The following GTF3C4 variants were observed in gnomAD, a reference collection of about 807,000 sequenced individuals.
The protein encoded by GTF3C4 is general transcription factor 3C polypeptide 4.
A neutral mutation model predicts 67.5 loss-of-function variants in GTF3C4; 28 were observed. The ratio of observed to expected loss-of-function variants is 0.41; its 90% CI spans 0.31 to 0.57. The LOEUF (loss-of-function observed/expected upper bound fraction) is 0.57, where lower values mean the gene tolerates loss of function less well. Ranked by LOEUF, GTF3C4 falls within the 20% of genes least tolerant of loss-of-function variation. The pLI, the probability that GTF3C4 is intolerant of heterozygous loss-of-function variation, is 0.21. For synonymous variants in GTF3C4, 409 were observed against 393.0 expected, an observed-to-expected ratio of 1.04 and a Z score of -0.48; for missense variants, 831 against 1,033.2, an observed-to-expected ratio of 0.80 and a Z score of 2.68.
intron 4 of GTF3C4, among the ~76,000 whole-genome samples, chr9:132,688,256 G>A (rs1836060483): frequency 6.6e-6 from 1 of 152,186 alleles, no homozygotes; most frequent in African/African-American, 2.4e-5. Flanking sequence ...GGATTATTTT[G>A]AAACACATTT....
At position 132,670,514 on chromosome 9, in the gene GTF3C4, C is replaced by A. The variant is rs1363383342; in HGVS notation, c.-85C>A. 1.8e-6 allele frequency: 2 copies of A among 1,137,196 alleles called. No individual in the cohort carries two copies. Among genetic ancestry groups the A allele is most frequent in the Non-Finnish European group, 2.3e-6 (2 of 854,264 alleles). 70.4% of individuals were successfully genotyped at this position (1,137,196 alleles called of 1,614,324 possible). On this transcript the variant is annotated 5_prime_UTR_variant, in exon 1 of 5. Coordinates refer to ENST00000372146, the MANE Select transcript of GTF3C4 (RefSeq NM_012204.4). ...GAGGGGAGAAAACCGCCGCGGAGGGCGCTGGGGGTGGCGGCGGCGGTCCGG... is the reference window on the plus strand; with the variant it reads ...GAGGGGAGAAAACCGCCGCGGAGGGAGCTGGGGGTGGCGGCGGCGGTCCGG...
chr9:132,675,642 A>G (rs1337682573), intron 1 of GTF3C4, among the ~76,000 whole-genome samples: 1 of 152,170 alleles, frequency 6.6e-6, no homozygotes, highest in Non-Finnish European at 1.5e-5. Context: ...TGGCCGAGGC[A>G]TTTAGTGTCC....
chr9:132,670,852 G>T lies in GTF3C4; in HGVS notation c.254G>T (p.Ser85Ile). 2 of 1,611,586 alleles carry T rather than the reference G, an allele frequency of 1.2e-6. No homozygotes were observed. The highest frequency in any genetic ancestry group is 1.7e-6 in the Non-Finnish European group (2 of 1,179,838). ...DHRVSVSTAR[S>I]IAVLELICDV... Reference sequence around the variant, plus strand: ...CGCGTGTCTGTGTCCACGGCCCGCAGCATCGCTGTGCTGGAGCTCATCTGC... The same window carrying T: ...CGCGTGTCTGTGTCCACGGCCCGCATCATCGCTGTGCTGGAGCTCATCTGC... Residue 85 changes from serine to isoleucine, a missense_variant, in exon 1 of 5, where the codon AGC (serine) becomes ATC (isoleucine). This residue lies in a region of GTF3C4 where 237 missense variants were observed against 212.7 expected (regional missense o/e 1.11). Coordinates refer to ENST00000372146, the MANE Select transcript of GTF3C4 (RefSeq NM_012204.4).
rs1836119687 is a variant in GTF3C4 at position 132,691,868 on chromosome 9, A to G, written c.*2923A>G. ...TTGAAGTATGCAGGCTGGACCTACC[A>G]GCAAGTTTAACACGTTAATTAGGTT... On this transcript the variant is annotated 3_prime_UTR_variant, in exon 5 of 5. Transcript: ENST00000372146. 6.6e-6 allele frequency: 1 copy of G among 152,264 alleles called. No homozygotes were observed. Among genetic ancestry groups the G allele is most frequent in the African/African-American group, 2.4e-5 (1 of 41,472 alleles). 9.4% of individuals were successfully genotyped at this position (152,264 alleles called of 1,614,324 possible).
chr9:132,670,816 C>T lies in GTF3C4; in HGVS notation c.218C>T (p.Ser73Phe). The T allele has an allele frequency of 6.2e-7, 1 of 1,606,084 alleles. No individual in the cohort carries two copies. Among genetic ancestry groups the T allele is most frequent in the Non-Finnish European group, 8.5e-7 (1 of 1,178,692 alleles). Residue 73 changes from serine to phenylalanine, a missense_variant, in exon 1 of 5, where the codon TCC becomes TTC. Ser to Phe is a radical substitution (Grantham distance 155, BLOSUM62 -2). This residue lies in a region of GTF3C4 where 237 missense variants were observed against 212.7 expected (regional missense o/e 1.11). Transcript: ENST00000372146. ...AVSGLEPLAW[S>F]EDHRVSVSTA... ...AGCGGCCTGGAACCGCTGGCTTGGTCCGAGGACCACCGCGTGTCTGTGTCC... is the reference window on the plus strand; with the variant it reads ...AGCGGCCTGGAACCGCTGGCTTGGTTCGAGGACCACCGCGTGTCTGTGTCC...
At chr9:132,673,790 T>G (rs957101697) in intron 1 of GTF3C4, among the ~76,000 whole-genome samples, 10 of 152,236 alleles carry the variant, frequency 6.6e-5, no homozygotes, top group Non-Finnish European at 1.3e-4. Context: ...AAATCTGCAG[T>G]TATGTAATAG....
In GTF3C4 at chr9:132,679,748, G is replaced by A. The variant is rs752487633; in HGVS notation, c.2129G>A (p.Arg710His). The A allele has an allele frequency of 1.5e-5, 25 of 1,613,822 alleles. No individual in the cohort carries two copies. Among genetic ancestry groups the A allele is most frequent in the Admixed American group, 3.3e-5 (2 of 60,006 alleles). ...WITENTSIPT[R>H]GLCNFLMSDE... ...ACAGAAAACACTAGCATCCCCACCC[G>A]CGGACTCTGTAACTTTTTAATGTCT... The change falls in exon 2 of 5, where the codon CGC (arginine) becomes CAC (histidine). Residue 710 changes from arginine to histidine, a missense_variant. Physicochemically the swap from Arg to His is conservative, Grantham distance 29. This residue lies in a region of GTF3C4 where 129 missense variants were observed against 213.8 expected (regional missense o/e 0.60). Transcript: ENST00000372146. This position sits in a 1 kb window ranked among gnomAD's most constrained non-coding sequence, Gnocchi z 5.9.
At chr9:132,680,842 G>A (rs1835930395) in intron 2 of GTF3C4, among the ~76,000 whole-genome samples, 1 of 152,228 alleles carries the variant, frequency 6.6e-6, no homozygotes, top group South Asian at 2.1e-4. Flanking sequence ...TGGGCGTGGT[G>A]GCTCACGCCT....
chr9:132,686,142 G>A (rs1003408209), intron 3 of GTF3C4, among the ~76,000 whole-genome samples: 4 of 152,146 alleles, frequency 2.6e-5, no homozygotes, highest in African/African-American at 9.7e-5. Context: ...TGGGGCCTGG[G>A]GAAGTTAAAT....
intron 2 of GTF3C4, among the ~76,000 whole-genome samples, chr9:132,683,160 GCTTTTT>G (rs1272264611): frequency 3.3e-5 from 5 of 152,146 alleles, no homozygotes; most frequent in Non-Finnish European, 7.4e-5. Flanking sequence ...TAGAGATTAT[GCTTTTT>G]CTTCTTAAAG....
intron 4 of GTF3C4, among the ~76,000 whole-genome samples, chr9:132,687,852 G>A (rs1327804905): frequency 1.3e-5 from 2 of 152,142 alleles, no homozygotes; most frequent in African/African-American, 4.8e-5. Context: ...GAGTGGGCAG[G>A]AATTAGTGAT....
Position 132,679,764 on chromosome 9 carries a change from T to C in GTF3C4, c.2145T>C (p.Phe715=), listed in dbSNP as rs1476270745. ...TCCCCACCCGCGGACTCTGTAACTT[T>C]TTAATGTCTGATGAAGAGTATGATG... ...TSIPTRGLCN[F]LMSDEEYDDR... The change falls in exon 2 of 5, where the codon TTT becomes TTC. Residue 715 remains phenylalanine, a synonymous_variant. Coordinates refer to ENST00000372146, the MANE Select transcript of GTF3C4 (RefSeq NM_012204.4). The surrounding 1 kb of genome is among the most constrained non-coding windows in gnomAD (Gnocchi z 5.9). 6.2e-7 allele frequency: 1 copy of C among 1,612,934 alleles called. No homozygotes were observed. Among genetic ancestry groups the C allele is most frequent in the East Asian group, 2.2e-5 (1 of 44,854 alleles).
chr9:132,684,652 C>T (rs1835998569), intron 3 of GTF3C4, among the ~76,000 whole-genome samples: 1 of 152,222 alleles, frequency 6.6e-6, no homozygotes, highest in Admixed American at 6.5e-5. Context: ...AGAATGGCTT[C>T]ATTCCTCAGG....
At chr9:132,686,629 C>T (rs779377626) in intron 3 of GTF3C4, among the ~76,000 whole-genome samples, 19 of 152,350 alleles carry the variant, frequency 1.2e-4, no homozygotes, top group Middle Eastern at 6.8e-3. Context: ...GGAATTGAAC[C>T]TGTGAACATT....
intron 1 of GTF3C4, among the ~76,000 whole-genome samples, chr9:132,673,318 ACTG>A (rs1835815917): frequency 1.3e-5 from 2 of 152,200 alleles, no homozygotes; most frequent in South Asian, 4.1e-4. Flanking sequence ...ATTTACCACA[ACTG>A]CTAACTAGTA....
intron 1 of GTF3C4, among the ~76,000 whole-genome samples, chr9:132,677,087 G>A (rs553424107): frequency 9.2e-5 from 14 of 151,854 alleles, no homozygotes; most frequent in African/African-American, 3.4e-4. Flanking sequence ...CTCCATCTTT[G>A]ATGTCCCTTT....
rs897582425 is a variant in GTF3C4, at chr9:132,675,492, C to A, written c.358-2485C>A. ...AATCAAGATACACTGCCTAAAACACCATTCCCAAAGTATTCCACATACTTT... is the reference window on the plus strand; with the variant it reads ...AATCAAGATACACTGCCTAAAACACAATTCCCAAAGTATTCCACATACTTT... On this transcript the variant is annotated intron_variant, in intron 1 of 4. Transcript: ENST00000372146. Among the ~76,000 whole-genome samples, 6 of 152,122 alleles carry A rather than the reference C, an allele frequency of 3.9e-5. No individual in the cohort carries two copies. In the South Asian group the frequency reaches 8.3e-4, roughly 21 times the overall value.
chr9:132,681,966 TAAAAAAA>T (rs56402111), intron 2 of GTF3C4, among the ~76,000 whole-genome samples: 11 of 114,734 alleles, frequency 9.6e-5, no homozygotes, highest in South Asian at 2.8e-4. Flanking sequence ...CTACATAAAG[TAAAAAAA>T]AAAAAAAAAA....
chr9:132,675,842 T>C (rs1156686039), intron 1 of GTF3C4, among the ~76,000 whole-genome samples: 3 of 151,886 alleles, frequency 2.0e-5, no homozygotes, highest in African/African-American at 4.8e-5. Context: ...ATCTATTATG[T>C]CATCTAGCAA....
Sources: gnomAD v4.1 joint callset for allele counts (sites outside exome capture counted in the v4.1 genomes callset) on GRCh38, gnomAD v4.1.1 for gene constraint, gnomAD v4.1.1 regional missense constraint, Gnocchi (gnomAD v3.1) non-coding constraint, MANE v1.5 for transcripts, NCBI Gene and HGNC (gene_info 2026-07-23, HGNC 2026-07-21) for gene names.